Variants in BBIP1 observed in about 807,000 individuals in gnomAD.
The protein encoded by BBIP1 is BBSome-interacting protein 1.
BBIP1 carries 6 observed loss-of-function variants against 8.9 expected under a neutral mutation model. The observed-to-expected ratio is 0.67, with a 90% confidence interval of 0.37 to 1.33. BBIP1 has a LOEUF of 1.33. Ranked by LOEUF, BBIP1 falls within the 40% of genes most tolerant of loss-of-function variation. The pLI is 0.02. For synonymous variants in BBIP1, 32 were observed against 33.4 expected (o/e 0.96, Z 0.14); for missense variants, 111 against 109.2 (o/e 1.02, Z -0.07).
rs1564696106 is a variant in BBIP1 at position 110,918,102 on chromosome 10, T to G, written c.37+19A>C. On this transcript the variant is annotated intron_variant, in intron 2 of 3. Coordinates refer to ENST00000448814, the MANE Select transcript of BBIP1 (RefSeq NM_001195305.3). The stretch of plus-strand genomic sequence containing the variant: ...TCTGTATTGTTGACTGGCTGGATAT[T>G]AACCATTTTCAATTTTACCTGAAAG... The G allele has an allele frequency of 6.5e-7, 1 of 1,534,168 alleles. No homozygotes were observed. Among genetic ancestry groups the G allele is most frequent in the South Asian group, 1.2e-5 (1 of 84,006 alleles).
chr10:110,919,358 A>C, upstream of BBIP1: 1 of 373,154 alleles, frequency 2.7e-6, no homozygotes. Context: ...GAGACGGCGT[A>C]GAGGAACTGA....
chr10:110,910,238 C>T (rs1021655737), intron 2 of BBIP1, among the ~76,000 whole-genome samples: 4 of 152,190 alleles, frequency 2.6e-5, no homozygotes, highest in East Asian at 1.9e-4. Context: ...GCGAAAAATA[C>T]GTTCAAATGA....
intron 2 of BBIP1, among the ~76,000 whole-genome samples, chr10:110,906,316 T>A (rs1846135147): frequency 6.6e-6 from 1 of 152,184 alleles, no homozygotes; most frequent in Admixed American, 6.5e-5. Context: ...TCATGCCTGG[T>A]ATTTTAATGA....
intron 2 of BBIP1, among the ~76,000 whole-genome samples, chr10:110,909,248 A>C (rs1378503747): frequency 6.6e-6 from 1 of 151,710 alleles, no homozygotes; most frequent in Non-Finnish European, 1.5e-5. Context: ...ACCAGGCTGG[A>C]GTGCAGTGGC....
At chr10:110,900,616 T>C in intron 3 of BBIP1, 90 bp from the exon 4 acceptor site, 1 of 1,091,834 alleles carries the variant, frequency 9.2e-7, no homozygotes, top group Non-Finnish European at 1.3e-6. Context: ...GTCTAAAAAA[T>C]TAATCTCTTG....
At chr10:110,910,383 C>T (rs17128130) in intron 2 of BBIP1, among the ~76,000 whole-genome samples, 14,925 of 152,206 alleles carry the variant, frequency 0.098, 1,080 homozygotes, top group East Asian at 0.24. Context: ...GTCTGCAACG[C>T]TGAATTTGGA....
At position 110,900,189 on chromosome 10, in the gene BBIP1, G is replaced by GTGTT; in HGVS notation, c.*167_*170dup. 1 of 658,532 alleles carries GTGTT rather than the reference G, an allele frequency of 1.5e-6. No homozygotes were observed. Among genetic ancestry groups the GTGTT allele is most frequent in the Non-Finnish European group, 2.4e-6 (1 of 418,324 alleles). The allele number at this position is 658,532 out of a possible 1,614,324, so 40.8% of individuals were successfully genotyped here. A position where few individuals can be genotyped will look rare whatever the true frequency, so the allele number is the denominator to read the frequency against. ...CTGTTTATGTTCAATACAAACCAGA[G>GTGTT]TGTTTACATTCACAATACAAATTTC... On this transcript the variant is annotated 3_prime_UTR_variant, in exon 4 of 4. Coordinates refer to ENST00000448814, the MANE Select transcript of BBIP1 (RefSeq NM_001195305.3).
chr10:110,901,235 G>C, intron 3 of BBIP1: 1 of 414,416 alleles, frequency 2.4e-6, no homozygotes, highest in East Asian at 5.8e-5. Context: ...AGCTACGGTT[G>C]TGCCAGCTGT....
chr10:110,903,355 G>A (rs1160217807), intron 2 of BBIP1: 2 of 152,248 alleles, frequency 1.3e-5, no homozygotes, highest in East Asian at 1.9e-4. Flanking sequence ...GTTTGACTAA[G>A]CTGCCATTGT....
At chr10:110,910,222 G>A (rs528994786) in intron 2 of BBIP1, among the ~76,000 whole-genome samples, 58 of 152,268 alleles carry the variant, frequency 3.8e-4, no homozygotes, top group Non-Finnish European at 6.9e-4. Flanking sequence ...AGATGTTCTA[G>A]ACAAAGCGAA....
At chr10:110,907,537 AAAAG>A (rs1182661946) in intron 2 of BBIP1, 5 of 492,944 alleles carry the variant, frequency 1.0e-5, no homozygotes, top group East Asian at 3.3e-5. Context: ...AAAAGAAAAG[AAAAG>A]AAAGAAAAAT....
chr10:110,917,610 G>A (rs1590761785), intron 2 of BBIP1, among the ~76,000 whole-genome samples: 1 of 152,178 alleles, frequency 6.6e-6, no homozygotes, highest in Admixed American at 6.5e-5. Flanking sequence ...CAAAGATTGA[G>A]TAGCAGGCGC....
At chr10:110,911,240 G>A (rs1051941748) in intron 2 of BBIP1, 5 of 151,984 alleles carry the variant, frequency 3.3e-5, no homozygotes, top group Admixed American at 2.0e-4. Flanking sequence ...AGTTATAGAG[G>A]CTTATTACTA....
chr10:110,907,434 G>A (rs1846170482), intron 2 of BBIP1: 1 of 293,032 alleles, frequency 3.4e-6, no homozygotes, highest in African/African-American at 2.2e-5. Context: ...GGTACTGCTT[G>A]AGCCTGAGTT....
chr10:110,911,091 A>C (rs917048637), intron 2 of BBIP1: 1 of 152,226 alleles, frequency 6.6e-6, no homozygotes, highest in Admixed American at 6.5e-5. Context: ...GGTGCATTAA[A>C]GATATAATTC....
At position 110,908,510 on chromosome 10, in the gene BBIP1, A is replaced by C. The variant is rs145277067; in HGVS notation, c.38-6898T>G. Among the ~76,000 whole-genome samples the C allele has an allele frequency of 2.9e-4, 44 of 152,372 alleles. 1 individual carries two copies. Among genetic ancestry groups the C allele is most frequent in the African/African-American group, 9.9e-4 (41 of 41,592 alleles). ...TCATCTTATATTGAAATTTTAATTC[A>C]GCATCAAACTTACTAAGGCATAGTC... On this transcript the variant is annotated intron_variant, in intron 2 of 3. Transcript: ENST00000448814.
At chr10:110,917,641 T>C (rs1324283312) in intron 2 of BBIP1, among the ~76,000 whole-genome samples, 1 of 152,176 alleles carries the variant, frequency 6.6e-6, no homozygotes, top group Non-Finnish European at 1.5e-5. Flanking sequence ...TTCTGATAAA[T>C]TGAAGGTCTC....
At chr10:110,913,936 A>C (rs765820462) in intron 2 of BBIP1, among the ~76,000 whole-genome samples, 7 of 152,204 alleles carry the variant, frequency 4.6e-5, no homozygotes, top group Non-Finnish European at 1.0e-4. Context: ...CAAAAAATCC[A>C]AATTTTAGCT....
rs1285394334 is a variant in BBIP1, at chr10:110,900,293, G to A, written c.*67C>T. The A allele has an allele frequency of 1.5e-6, 2 of 1,371,710 alleles. No homozygotes were observed. The highest frequency in any genetic ancestry group is 1.9e-6 in the Non-Finnish European group (2 of 1,028,490). 85.0% of individuals were successfully genotyped at this position (1,371,710 alleles called of 1,614,324 possible). ...CACATACTACTTTCAGCACACAGAA[G>A]CATATTTTCTAGTTATTGTTAAATA... On this transcript the variant is annotated 3_prime_UTR_variant, in exon 4 of 4. Coordinates refer to ENST00000448814, the MANE Select transcript of BBIP1 (RefSeq NM_001195305.3).
Sources: allele counts gnomAD v4.1 joint callset (sites outside exome capture counted in the v4.1 genomes callset), GRCh38; gene constraint gnomAD v4.1.1; transcripts MANE v1.5; gene names NCBI Gene and HGNC (gene_info 2026-07-23, HGNC 2026-07-21).